The following AVPR2 variants were observed in gnomAD, a reference collection of about 807,000 sequenced individuals.
AVPR2 encodes the protein vasopressin V2 receptor.
Under a neutral mutation model 12.0 loss-of-function variants are expected in AVPR2, and 3 were observed. The observed-to-expected ratio is 0.25, with a 90% CI of 0.11 to 0.64. The LOEUF (loss-of-function observed/expected upper bound fraction) is 0.64, where lower values mean the gene tolerates loss of function less well. AVPR2 is among the 30% of genes least tolerant of loss of function. The pLI, the probability that AVPR2 is intolerant of heterozygous loss-of-function variation, is 0.84. For missense variants in AVPR2, 279 were observed against 347.9 expected, an observed-to-expected ratio of 0.80 and a Z score of 1.58; for synonymous variants, 143 against 147.5, an observed-to-expected ratio of 0.97 and a Z score of 0.22.
At position 153,906,340 on chromosome X, in the gene AVPR2, C is replaced by T. The variant is rs781834190; in HGVS notation, c.834C>T (p.Val278=). ...KTVRMTLVIV[V]VYVLCWAPFF... ...TGAGGATGACGCTAGTGATTGTGGT[C>T]GTCTATGTGCTGTGCTGGGCACCCT... The change falls in exon 3 of 4, where the codon GTC becomes GTT. Residue 278 remains valine (V), a synonymous_variant. Coordinates refer to ENST00000646375, the MANE Select transcript of AVPR2 (RefSeq NM_000054.7). 1.9e-4 allele frequency: 235 copies of T among 1,210,521 alleles called. No homozygotes were observed. Among genetic ancestry groups the T allele is most frequent in the Middle Eastern group, 4.6e-4 (2 of 4,375 alleles).
upstream of AVPR2, among the ~76,000 whole-genome samples, chrX:153,904,309 T>C (rs1367199519): frequency 8.9e-6 from 1 of 112,644 alleles, no homozygotes; most frequent in Non-Finnish European, 1.9e-5. Flanking sequence ...CGAAAGTGTT[T>C]TCACCCCTTC....
upstream of AVPR2, among the ~76,000 whole-genome samples, chrX:153,903,541 G>A (rs181799634): frequency 8.7e-5 from 8 of 91,565 alleles, no homozygotes; most frequent in South Asian, 4.8e-4. Flanking sequence ...GTGGTGTGGC[G>A]TATGGGTGTG....
At chrX:153,904,193 T>C (rs1457333633), upstream of AVPR2, among the ~76,000 whole-genome samples, 1 of 111,719 alleles carries the variant, frequency 9.0e-6, no homozygotes, top group African/African-American at 3.3e-5. Flanking sequence ...TCGTGAAGCC[T>C]GGCTTGGCCC....
intron 1 of AVPR2, 98 bp downstream of exon 1, chrX:153,904,869 G>A (rs782315917): frequency 9.7e-5 from 43 of 443,564 alleles, no homozygotes; most frequent in Non-Finnish European, 1.6e-4. Flanking sequence ...CTGCGTGTCT[G>A]TCTGGGGTGC....
In AVPR2 at chrX:153,905,709, G is replaced by C. The variant is rs61733408; in HGVS notation, c.203G>C (p.Arg68Pro). Residue 68 changes from arginine (R) to proline (P), a missense_variant, in exon 3 of 4, where the codon CGG becomes CCG. Transcript: ENST00000646375. ...VLAALARRGRRGHWAPIHVFI... is the reference protein window; with the variant it reads ...VLAALARRGRPGHWAPIHVFI... ...GCGGCCCTAGCTCGGCGGGGCCGGC[G>C]GGGCCACTGGGCACCCATACACGTC... 1 of 1,210,208 alleles carries C rather than the reference G, an allele frequency of 8.3e-7. No individual in the cohort carries two copies. The highest frequency in any genetic ancestry group is 1.8e-5 in the South Asian group (1 of 57,021).
At chrX:153,904,173 T>C (rs924088974), upstream of AVPR2, among the ~76,000 whole-genome samples, 30 of 111,918 alleles carry the variant, frequency 2.7e-4, no homozygotes, top group Admixed American at 2.8e-3. Context: ...TCCCTGGATC[T>C]CACAGGGGTT....
At chrX:153,905,325 A>AGGGCTGGGGCTG (rs1236639144) in intron 2 of AVPR2, among the ~76,000 whole-genome samples, 155 bp downstream of exon 2, 1 of 112,624 alleles carries the variant, frequency 8.9e-6, no homozygotes, top group African/African-American at 3.2e-5. Context: ...CTTCCCCGCC[A>AGGGCTGGGGCTG]GGGCTGGGGC....
At position 153,905,742 on chromosome X, in the gene AVPR2, G is replaced by C. The variant is rs782026554; in HGVS notation, c.236G>C (p.Gly79Ala). 59 of 1,209,428 alleles carry C rather than the reference G, an allele frequency of 4.9e-5. No homozygotes were observed. In the South Asian group the frequency reaches 6.7e-4, roughly 14 times the overall value. The change falls in exon 3 of 4, where the codon GGC becomes GCC. Residue 79 changes from glycine to alanine, a missense_variant. Gly to Ala is a moderately conservative substitution (Grantham distance 60). Transcript: ENST00000646375. ...GHWAPIHVFI[G>A]HLCLADLAVA... ...TGGGCACCCATACACGTCTTCATTGGCCACTTGTGCCTGGCCGACCTGGCC... is the reference window on the plus strand; with the variant it reads ...TGGGCACCCATACACGTCTTCATTGCCCACTTGTGCCTGGCCGACCTGGCC...
chrX:153,905,221 C>T (rs782238717), intron 2 of AVPR2, 51 bp downstream of exon 2: 1 of 1,201,316 alleles, frequency 8.3e-7, no homozygotes, highest in Non-Finnish European at 1.1e-6. Flanking sequence ...TTTGACGATT[C>T]AGGGAAGCCC....
At chrX:153,906,501 C>T in intron 3 of AVPR2, 22 bp from the exon 4 acceptor site, 1 of 1,208,202 alleles carries the variant, frequency 8.3e-7, no homozygotes, top group East Asian at 3.0e-5. Flanking sequence ...CTGAACCCAA[C>T]CTAGATCCTC....
upstream of AVPR2, among the ~76,000 whole-genome samples, chrX:153,903,446 CAT>C (rs1198268572): frequency 5.5e-4 from 1 of 1,821 alleles, no homozygotes; most frequent in African/African-American, 2.0e-3. Flanking sequence ...GTGGTGGGTA[CAT>C]GTGTGGGTGT....
chrX:153,906,050 A>G lies in AVPR2; in HGVS notation c.544A>G (p.Asn182Asp). The G allele has an allele frequency of 8.3e-7, 1 of 1,211,165 alleles. No individual in the cohort carries two copies. Among genetic ancestry groups the G allele is most frequent in the Non-Finnish European group, 1.1e-6 (1 of 895,514 alleles). Reference sequence around the variant, plus strand: ...CCAGCTCTTCATCTTCGCCCAGCGCAACGTGGAAGGTGGCAGCGGGGTCAC... The same window carrying G: ...CCAGCTCTTCATCTTCGCCCAGCGCGACGTGGAAGGTGGCAGCGGGGTCAC... ...LPQLFIFAQR[N>D]VEGGSGVTDC... is the part of the protein sequence containing the mutation. Residue 182 changes from asparagine (N) to aspartate (D), a missense_variant, in exon 3 of 4, where the codon AAC becomes GAC. By Grantham distance (23) the Asn-to-Asp change is conservative (BLOSUM62 1). Transcript: ENST00000646375.
At position 153,905,907 on chromosome X, in the gene AVPR2, C is replaced by T. The variant is rs782549298; in HGVS notation, c.401C>T (p.Thr134Met). 1.2e-5 allele frequency: 14 copies of T among 1,203,122 alleles called. No homozygotes were observed. Among genetic ancestry groups the T allele is most frequent in the East Asian group, 3.0e-5 (1 of 33,804 alleles). ...YASSYMILAM[T>M]LDRHRAICRP... The stretch of plus-strand genomic sequence containing the variant: ...TCCTCCTACATGATCCTGGCCATGA[C>T]GCTGGACCGCCACCGTGCCATCTGC... Residue 134 changes from threonine (T) to methionine (M), a missense_variant, in exon 3 of 4, where the codon ACG (threonine) becomes ATG (methionine). Coordinates refer to ENST00000646375, the MANE Select transcript of AVPR2 (RefSeq NM_000054.7).
At position 153,906,346 on chromosome X, in the gene AVPR2, T is replaced by C; in HGVS notation, c.840T>C (p.Tyr280=). 1.7e-6 allele frequency: 2 copies of C among 1,210,568 alleles called. No individual in the cohort carries two copies. The highest frequency in any genetic ancestry group is 2.2e-5 in the Admixed American group (1 of 45,881). The part of the protein sequence containing the change: ...VRMTLVIVVV[Y]VLCWAPFFLV... ...TGACGCTAGTGATTGTGGTCGTCTATGTGCTGTGCTGGGCACCCTTCTTCC... is the reference window on the plus strand; with the variant it reads ...TGACGCTAGTGATTGTGGTCGTCTACGTGCTGTGCTGGGCACCCTTCTTCC... The change falls in exon 3 of 4, where the codon TAT becomes TAC. Residue 280 remains tyrosine, a synonymous_variant. Transcript: ENST00000646375.
upstream of AVPR2, among the ~76,000 whole-genome samples, chrX:153,903,414 C>CAG (rs2064943281): frequency 2.4e-3 from 4 of 1,663 alleles, no homozygotes; most frequent in African/African-American, 8.7e-3. Context: ...GTTGGCTGTG[C>CAG]GTATGTGGTG....
At position 153,904,720 on chromosome X, in the gene AVPR2, G is replaced by C; in HGVS notation, c.-224G>C. 3.9e-6 allele frequency: 1 copy of C among 258,330 alleles called. No individual in the cohort carries two copies. The highest frequency in any genetic ancestry group is 7.1e-6 in the Non-Finnish European group (1 of 139,997). The allele number at this position is 258,330 out of a possible 1,213,427, so 21.3% of individuals were successfully genotyped here. A position where few individuals can be genotyped will look rare whatever the true frequency, so the allele number is the denominator to read the frequency against. ...AGGGCAGCCGATGGAGAGCAGATCT[G>C]AGCACCCAGCCACCTTCACGCCACC... On this transcript the variant is annotated 5_prime_UTR_variant, in exon 1 of 4. Coordinates refer to ENST00000646375, the MANE Select transcript of AVPR2 (RefSeq NM_000054.7).
chrX:153,903,869 G>A (rs1434422634), upstream of AVPR2, among the ~76,000 whole-genome samples: 2 of 108,498 alleles, frequency 1.8e-5, no homozygotes, highest in African/African-American at 3.4e-5. Context: ...CTGGGTGCGG[G>A]GGGAGTGGAA....
chrX:153,906,817 C>T lies in AVPR2; in HGVS notation c.*89C>T, dbSNP rs1338303852. On this transcript the variant is annotated 3_prime_UTR_variant, in exon 4 of 4. Coordinates refer to ENST00000646375, the MANE Select transcript of AVPR2 (RefSeq NM_000054.7). Reference sequence around the variant, plus strand: ...CCTGGGAGCCACTGGGAGGGGGACCCGTGGAGAATTGGCCAGAGCCTGTGG... The same window carrying T: ...CCTGGGAGCCACTGGGAGGGGGACCTGTGGAGAATTGGCCAGAGCCTGTGG... 52 of 963,013 alleles carry T rather than the reference C, an allele frequency of 5.4e-5. No individual in the cohort carries two copies. Among genetic ancestry groups the T allele is most frequent in the East Asian group, 1.7e-4 (5 of 29,883 alleles). The allele number at this position is 963,013 out of a possible 1,213,427, so 79.4% of individuals were successfully genotyped here. A position where few individuals can be genotyped will look rare whatever the true frequency, so the allele number is the denominator to read the frequency against.
intron 1 of AVPR2, 22 bp downstream of exon 1, chrX:153,904,793 C>T (rs2064951160): frequency 2.8e-5 from 10 of 356,398 alleles, no homozygotes; most frequent in Admixed American, 4.5e-5. Flanking sequence ...CGCCTGCCTG[C>T]CCCCCTGCCC....
Sources: allele counts gnomAD v4.1 joint callset (sites outside exome capture counted in the v4.1 genomes callset), GRCh38; gene constraint gnomAD v4.1.1; transcripts MANE v1.5; gene names NCBI Gene and HGNC (gene_info 2026-07-23, HGNC 2026-07-21).